Variants in SAMD12 observed in about 807,000 individuals in gnomAD.
The protein encoded by SAMD12 is sterile alpha motif domain containing 12.
In SAMD12, 9 loss-of-function variants were observed where a neutral mutation model predicts 15.0. The ratio of observed to expected loss-of-function variants is 0.60; its 90% CI spans 0.36 to 1.05. The LOEUF (loss-of-function observed/expected upper bound fraction) is 1.05. SAMD12 is among the 50% of genes least tolerant of loss of function. The pLI, the probability that SAMD12 is intolerant of heterozygous loss-of-function variation, is 0.01. For missense variants in SAMD12, 230 were observed against 234.2 expected, an observed-to-expected ratio of 0.98 and a Z score of 0.12; for synonymous variants, 86 against 90.1, an observed-to-expected ratio of 0.96 and a Z score of 0.25.
At chr8:118,344,355 T>C (rs1817523315) in intron 4 of SAMD12, among the ~76,000 whole-genome samples, 2 of 152,352 alleles carry the variant, frequency 1.3e-5, no homozygotes, top group South Asian at 4.1e-4. Flanking sequence ...TTCGTAAGAA[T>C]TACAGCTACC....
chr8:118,141,746 C>T, the SAMD12 span, among the ~76,000 whole-genome samples: 1 of 152,210 alleles, frequency 6.6e-6, no homozygotes, highest in African/African-American at 2.4e-5. Context: ...ATTTAATTTA[C>T]CTTTTGCTGT....
At chr8:118,191,524 A>G (rs1310525142) in exon 5 of SAMD12, 1 of 151,570 alleles carries the variant, frequency 6.6e-6, no homozygotes, top group East Asian at 1.9e-4. Flanking sequence ...TTCATCTTTA[A>G]GGTTTCCATC....
At chr8:118,271,096 T>C (rs1244956058) in intron 4 of SAMD12, among the ~76,000 whole-genome samples, 2 of 152,184 alleles carry the variant, frequency 1.3e-5, no homozygotes, top group African/African-American at 2.4e-5. Context: ...AGAGGGGGTA[T>C]ATTAGTCCAT....
chr8:118,243,663 T>C (rs953604522), intron 4 of SAMD12, among the ~76,000 whole-genome samples: 2 of 152,148 alleles, frequency 1.3e-5, no homozygotes, highest in African/African-American at 4.8e-5. Context: ...AACAACTTCA[T>C]ATAAAATTAC....
intron 3 of SAMD12, among the ~76,000 whole-genome samples, chr8:118,423,295 G>GATAC (rs1176495561): frequency 1.3e-5 from 2 of 152,174 alleles, no homozygotes; most frequent in African/African-American, 4.8e-5. Context: ...TGAGGGTATA[G>GATAC]ATACCCAAAT....
At chr8:118,516,371 AC>A (rs2131079787) in intron 2 of SAMD12, among the ~76,000 whole-genome samples, 1 of 152,282 alleles carries the variant, frequency 6.6e-6, no homozygotes, top group South Asian at 2.1e-4. Context: ...ATTTTGTATA[AC>A]TTTTTTGGAC....
In SAMD12 at chr8:118,429,217, AT is replaced by A. The variant is rs572870286; in HGVS notation, c.322+10614del. Among the ~76,000 whole-genome samples the A allele has an allele frequency of 3.3e-5, 5 of 152,190 alleles. No individual in the cohort carries two copies. The South Asian group carries it at 8.3e-4, about 25-fold the overall frequency. On this transcript the variant is annotated intron_variant, in intron 3 of 3. Coordinates refer to ENST00000314727, the MANE Select transcript of SAMD12 (RefSeq NM_207506.3). ...AAGTTATATTATTAGTTCTTGTAGGATTTTTTTCTTCATATAGGTTAAGCAT... is the reference window on the plus strand; with the variant it reads ...AAGTTATATTATTAGTTCTTGTAGGATTTTTTCTTCATATAGGTTAAGCAT...
the SAMD12 span, among the ~76,000 whole-genome samples, chr8:118,139,049 A>G: frequency 6.6e-6 from 1 of 152,194 alleles, no homozygotes. Context: ...TTTCTGGCCC[A>G]TGTGATACAA....
At chr8:118,562,508 A>G (rs1826732436) in intron 2 of SAMD12, among the ~76,000 whole-genome samples, 1 of 152,222 alleles carries the variant, frequency 6.6e-6, no homozygotes, top group African/African-American at 2.4e-5. Context: ...GAAGGAAGGG[A>G]GTGCACTTCC....
chr8:118,141,661 T>A, the SAMD12 span, among the ~76,000 whole-genome samples: 29 of 152,230 alleles, frequency 1.9e-4, no homozygotes, highest in African/African-American at 6.5e-4. Context: ...ATAGTTTTGA[T>A]GTAAAGAGTA....
chr8:118,580,887 T>A lies in SAMD12; in HGVS notation c.20A>T (p.His7Leu). MAVEAL[H>L]CGLNPRGIDH... The stretch of plus-strand genomic sequence containing the variant: ...AATACCCCGTGGATTCAAACCACAG[T>A]GGAGAGCTAGGAAAAAGCAACAAAT... Residue 7 changes from histidine (H) to leucine (L), a missense_variant, in exon 2 of 4, where the codon CAC becomes CTC. His to Leu is a moderately conservative substitution (Grantham distance 99). Coordinates refer to ENST00000314727, the MANE Select transcript of SAMD12 (RefSeq NM_207506.3). 6.2e-7 allele frequency: 1 copy of A among 1,606,552 alleles called. No homozygotes were observed. The highest frequency in any genetic ancestry group is 8.5e-7 in the Non-Finnish European group (1 of 1,177,172).
intron 4 of SAMD12, among the ~76,000 whole-genome samples, chr8:118,256,399 T>C (rs1399931028): frequency 2.6e-5 from 4 of 152,120 alleles, no homozygotes; most frequent in African/African-American, 7.2e-5. Context: ...TATTTCCTCA[T>C]TGAAGCAGTG....
intron 4 of SAMD12, among the ~76,000 whole-genome samples, chr8:118,206,611 C>T (rs866509022): frequency 2.0e-5 from 3 of 152,216 alleles, no homozygotes; most frequent in South Asian, 2.1e-4. Context: ...TGTATAATTA[C>T]ACATATTGTT....
intron 2 of SAMD12, among the ~76,000 whole-genome samples, chr8:118,504,829 G>A (rs1301381953): frequency 6.6e-6 from 1 of 152,194 alleles, no homozygotes; most frequent in African/African-American, 2.4e-5. Context: ...AACTAGAAGA[G>A]GCAAGGGACA....
At chr8:118,340,470 T>G (rs967697984) in intron 4 of SAMD12, among the ~76,000 whole-genome samples, 11 of 152,162 alleles carry the variant, frequency 7.2e-5, no homozygotes, top group African/African-American at 2.4e-4. Context: ...ATTATTATTT[T>G]TAATATTTTA....
At chr8:118,606,522 G>A (rs2460965) in intron 1 of SAMD12, among the ~76,000 whole-genome samples, 118,417 of 151,772 alleles carry the variant, frequency 0.78, 48,407 homozygotes, top group Middle Eastern at 0.9. Context: ...TGGCCCTGGG[G>A]TGAACCCCAG....
chr8:118,379,738 A>C, intron 3 of SAMD12, 38 bp from the exon 4 acceptor site: 1 of 1,596,296 alleles, frequency 6.3e-7, no homozygotes, highest in Non-Finnish European at 8.5e-7. Flanking sequence ...AAGCAAATGA[A>C]CTACTTGCTG....
At chr8:118,403,521 A>C (rs996939942) in intron 3 of SAMD12, among the ~76,000 whole-genome samples, 1 of 152,166 alleles carries the variant, frequency 6.6e-6, no homozygotes, top group Non-Finnish European at 1.5e-5. Flanking sequence ...AAAAAAAATT[A>C]TAGTAGTATT....
intron 2 of SAMD12, among the ~76,000 whole-genome samples, chr8:118,515,060 C>T (rs1448868778): frequency 6.6e-6 from 1 of 152,074 alleles, no homozygotes; most frequent in African/African-American, 2.4e-5. Flanking sequence ...ACTCTGTCGC[C>T]CAGGCTGCAG....
Sources: gnomAD v4.1 joint callset for allele counts (sites outside exome capture counted in the v4.1 genomes callset) on GRCh38, gnomAD v4.1.1 for gene constraint, MANE v1.5 for transcripts, NCBI Gene and HGNC (gene_info 2026-07-23, HGNC 2026-07-21) for gene names.